RNF43: variants seen among roughly 807,000 people sequenced by gnomAD.
RNF43 encodes ring finger protein 43, also known as E3 ubiquitin-protein ligase RNF43.
In RNF43, 37 loss-of-function variants were observed where a neutral mutation model predicts 78.4. That is an observed-to-expected ratio of 0.47 (90% CI 0.36 to 0.62). The LOEUF is 0.62. Ranked by LOEUF, RNF43 falls within the 20% of genes least tolerant of loss-of-function variation. RNF43 has a pLI of 0.00. For synonymous variants in RNF43, 347 were observed against 395.0 expected (o/e 0.88, Z 1.44); for missense variants, 774 against 1,007.9 (o/e 0.77, Z 3.14).
chr17:58,368,212 C>T (rs1327846000), intron 3 of RNF43, among the ~76,000 whole-genome samples: 5 of 152,180 alleles, frequency 3.3e-5, no homozygotes, highest in Non-Finnish European at 1.5e-5. Context: ...CCCCTAAGAC[C>T]CCATCTTTCC....
intron 2 of RNF43, among the ~76,000 whole-genome samples, chr17:58,395,484 G>A (rs554954064): frequency 6.6e-6 from 1 of 152,154 alleles, no homozygotes; most frequent in East Asian, 1.9e-4. Context: ...TGAACTCCTA[G>A]AAATAAATAG....
intron 2 of RNF43, among the ~76,000 whole-genome samples, chr17:58,383,758 C>T (rs1034969452): frequency 2.0e-5 from 3 of 152,192 alleles, no homozygotes; most frequent in Non-Finnish European, 4.4e-5. Context: ...GCTGGGATTA[C>T]AGGCATGTGC....
intron 2 of RNF43, among the ~76,000 whole-genome samples, chr17:58,379,295 T>C (rs1973266513): frequency 6.6e-6 from 1 of 152,178 alleles, no homozygotes; most frequent in African/African-American, 2.4e-5. Flanking sequence ...GTCTGCTCCT[T>C]GTGCTCTGCC....
intron 2 of RNF43, among the ~76,000 whole-genome samples, chr17:58,390,541 C>A (rs996117892): frequency 5.9e-5 from 9 of 152,148 alleles, no homozygotes; most frequent in African/African-American, 2.2e-4. Context: ...GTGGCCTAAT[C>A]TACACTGTTT....
intron 2 of RNF43, among the ~76,000 whole-genome samples, chr17:58,398,506 G>A (rs1174972677): frequency 6.6e-6 from 1 of 152,064 alleles, no homozygotes; most frequent in East Asian, 1.9e-4. Flanking sequence ...TTGGTTCTGG[G>A]GTAAGGTACA....
At chr17:58,387,312 C>T (rs1055391336) in intron 2 of RNF43, among the ~76,000 whole-genome samples, 16 of 152,222 alleles carry the variant, frequency 1.1e-4, no homozygotes, top group Admixed American at 5.9e-4. Flanking sequence ...CACTTGAATA[C>T]ATTTACATGA....
intron 2 of RNF43, among the ~76,000 whole-genome samples, chr17:58,398,505 GGGTAA>G (rs1249281672): frequency 1.3e-5 from 2 of 152,078 alleles, no homozygotes; most frequent in Non-Finnish European, 2.9e-5. Flanking sequence ...TTTGGTTCTG[GGGTAA>G]GGTACAGAAT....
chr17:58,385,154 G>C lies in RNF43; in HGVS notation c.253-14121C>G, dbSNP rs149322782. Among the ~76,000 whole-genome samples the C allele has an allele frequency of 8.9e-4, 136 of 152,114 alleles. 1 individual carries two copies. Among genetic ancestry groups the C allele is most frequent in the Admixed American group, 7.1e-3 (109 of 15,278 alleles). On this transcript the variant is annotated intron_variant, in intron 2 of 9. Transcript: ENST00000407977. ...TCTTACTTTTCTTCCTCTTCTTCTT[G>C]TTTAAATATGTATGTTTCCTAAAGA...
chr17:58,362,466 G>A (rs967418299), intron 6 of RNF43, 78 bp downstream of exon 6: 11 of 1,017,908 alleles, frequency 1.1e-5, no homozygotes, highest in East Asian at 5.3e-5. Context: ...CCTTCTTCAC[G>A]TACTCCTTCC....
chr17:58,394,641 G>C (rs1363611495), intron 2 of RNF43, among the ~76,000 whole-genome samples: 1 of 152,200 alleles, frequency 6.6e-6, no homozygotes, highest in Non-Finnish European at 1.5e-5. Context: ...TAACAGACAA[G>C]AAGTTCAAAG....
rs2143413018 is a variant in RNF43 at position 58,358,361 on chromosome 17, T to C, written c.1415A>G (p.His472Arg). Residue 472 changes from histidine to arginine, a missense_variant, in exon 9 of 10, where the codon CAT becomes CGT. His to Arg is a conservative substitution (Grantham distance 29). Transcript: ENST00000407977. This position sits in a 1 kb window ranked among gnomAD's most constrained non-coding sequence, Gnocchi z 6.2. ...PASDSSSGPC[H>R]GSSSDSVVNC... is the part of the protein sequence containing the mutation. The stretch of plus-strand genomic sequence containing the variant: ...GACCACAGAGTCACTGGAAGAGCCA[T>C]GACAGGGCCCTGAGCTGGAGTCACT... 1.2e-6 allele frequency: 2 copies of C among 1,614,132 alleles called. No homozygotes were observed. Among genetic ancestry groups the C allele is most frequent in the South Asian group, 1.1e-5 (1 of 91,082 alleles).
At chr17:58,371,679 A>G (rs930814426) in intron 2 of RNF43, among the ~76,000 whole-genome samples, 2 of 152,188 alleles carry the variant, frequency 1.3e-5, no homozygotes, top group Non-Finnish European at 2.9e-5. Context: ...CTATCTTGCA[A>G]TGAGGCTTGG....
Position 58,358,120 on chromosome 17 carries a change from G to T in RNF43, c.1656C>A (p.Arg552=). 6.2e-7 allele frequency: 1 copy of T among 1,613,170 alleles called. No homozygotes were observed. Among genetic ancestry groups the T allele is most frequent in the African/African-American group, 1.3e-5 (1 of 74,976 alleles). Residue 552 remains arginine, a synonymous_variant, in exon 9 of 10, where the codon CGC becomes CGA. Coordinates refer to ENST00000407977, the MANE Select transcript of RNF43 (RefSeq NM_017763.6). The surrounding 1 kb of genome is among the most constrained non-coding windows in gnomAD (Gnocchi z 6.2). ...GCTTTTTGTAGTGGTGGTGCCGGTG[G>T]CGGTGGTAGTGGACATGGCTGGAAA... The part of the protein sequence containing the change: ...TQVSSHVHYH[R]HRHHHYKKRF...
chr17:58,362,570 G>A lies in RNF43; in HGVS notation c.661C>T (p.Arg221Trp), dbSNP rs748533737. 48 of 1,608,688 alleles carry A rather than the reference G, an allele frequency of 3.0e-5. No individual in the cohort carries two copies. Among genetic ancestry groups the A allele is most frequent in the South Asian group, 1.7e-4 (15 of 90,444 alleles). ...VIILASVLRIRCRPRHSRPDP... is the reference protein window; with the variant it reads ...VIILASVLRIWCRPRHSRPDP... ...GGCCTGCTGTGGCGGGGGCGGCACC[G>A]GATGCGCAGCACCGAAGCCAGGATG... Residue 221 changes from arginine to tryptophan, a missense_variant, in exon 6 of 10, where the codon CGG becomes TGG. Coordinates refer to ENST00000407977, the MANE Select transcript of RNF43 (RefSeq NM_017763.6).
intron 2 of RNF43, among the ~76,000 whole-genome samples, chr17:58,405,501 G>A (rs1270373571): frequency 2.0e-5 from 3 of 151,896 alleles, no homozygotes; most frequent in Non-Finnish European, 4.4e-5. Context: ...TCATTTGAAT[G>A]ACTCTTGAAA....
Position 58,358,878 on chromosome 17 carries a change from G to A in RNF43, c.953-55C>T, listed in dbSNP as rs1217532135. The A allele has an allele frequency of 1.4e-6, 2 of 1,420,286 alleles. No individual in the cohort carries two copies. The highest frequency in any genetic ancestry group is 2.6e-5 in the East Asian group (1 of 38,978). 88.0% of individuals were successfully genotyped at this position (1,420,286 alleles called of 1,614,324 possible). On this transcript the variant is annotated intron_variant, in intron 8 of 9. Transcript: ENST00000407977. This position sits in a 1 kb window ranked among gnomAD's most constrained non-coding sequence, Gnocchi z 6.2. ...TTAACTCTACAAACCTACAGAGAATGCATTCAGAAAGACATGGCTGTAGCT... is the reference window on the plus strand; with the variant it reads ...TTAACTCTACAAACCTACAGAGAATACATTCAGAAAGACATGGCTGTAGCT...
intron 2 of RNF43, among the ~76,000 whole-genome samples, chr17:58,406,158 A>G (rs1973908327): frequency 6.6e-6 from 1 of 152,168 alleles, no homozygotes; most frequent in East Asian, 1.9e-4. Flanking sequence ...CACTTATTTT[A>G]AAGTATGCCT....
In RNF43 at chr17:58,360,153, G is replaced by A. The variant is rs1210318368; in HGVS notation, c.948C>T (p.Ile316=). 6.2e-7 allele frequency: 1 copy of A among 1,612,740 alleles called. No homozygotes were observed. The highest frequency in any genetic ancestry group is 1.1e-5 in the South Asian group (1 of 91,052). ...AGTCCTTGGCCCACCTCCTACCTGT[G>A]ATGTTGAACATGCAGAGGGGGCAAG... The part of the protein sequence containing the change: ...HRTCPLCMFN[I]TEGDSFSQSL... The change falls in exon 8 of 10, where the codon ATC becomes ATT. Residue 316 remains isoleucine (I), a synonymous_variant. Transcript: ENST00000407977. The surrounding 1 kb of genome is among the most constrained non-coding windows in gnomAD (Gnocchi z 4.3).
At chr17:58,412,118 T>C (rs1974034623) in intron 2 of RNF43, among the ~76,000 whole-genome samples, 1 of 151,998 alleles carries the variant, frequency 6.6e-6, no homozygotes, top group Non-Finnish European at 1.5e-5. Context: ...ATCCTAAATA[T>C]ACAAATTCAG....
Sources: gnomAD v4.1 joint callset for allele counts (sites outside exome capture counted in the v4.1 genomes callset) on GRCh38, gnomAD v4.1.1 for gene constraint, Gnocchi (gnomAD v3.1) non-coding constraint, MANE v1.5 for transcripts, NCBI Gene and HGNC (gene_info 2026-07-23, HGNC 2026-07-21) for gene names.